The following HM13 variants were observed in gnomAD, a reference collection of about 807,000 sequenced individuals.
HM13 encodes the protein signal peptide peptidase.
In HM13, 18 loss-of-function variants were observed where a neutral mutation model predicts 50.0. The ratio of observed to expected loss-of-function variants is 0.36; its 90% CI spans 0.25 to 0.53. HM13 has a LOEUF of 0.53. Ranked by LOEUF, HM13 falls within the 20% of genes least tolerant of loss-of-function variation. The probability of loss-of-function intolerance (pLI) is 0.90; values close to 1 mark genes in which losing one functional copy is unlikely to be tolerated. For synonymous variants in HM13, 197 were observed against 232.6 expected, an observed-to-expected ratio of 0.85 and a Z score of 1.39; for missense variants, 393 against 552.4, an observed-to-expected ratio of 0.71 and a Z score of 2.89.
intron 1 of HM13, among the ~76,000 whole-genome samples, chr20:31,526,127 TC>T (rs1982476372): frequency 6.7e-6 from 1 of 150,018 alleles, no homozygotes; most frequent in African/African-American, 2.5e-5. Flanking sequence ...AGACTCCATC[TC>T]AAAAAACAAA....
At chr20:31,554,061 C>T (rs1286301302) in intron 7 of HM13, among the ~76,000 whole-genome samples, 1 of 152,092 alleles carries the variant, frequency 6.6e-6, no homozygotes, top group Non-Finnish European at 1.5e-5. Flanking sequence ...AAATCTTCAG[C>T]CTAGATGACC....
At chr20:31,538,579 C>T (rs1260132048) in intron 3 of HM13, 54 of 1,293,096 alleles carry the variant, frequency 4.2e-5, no homozygotes, top group African/African-American at 7.5e-5. Flanking sequence ...TACCACCTGC[C>T]GGGTGTTGTG....
At chr20:31,546,278 C>A (rs1318635767) in intron 4 of HM13, among the ~76,000 whole-genome samples, 1 of 151,734 alleles carries the variant, frequency 6.6e-6, no homozygotes, top group Non-Finnish European at 1.5e-5. Flanking sequence ...CATCCCCTGA[C>A]CTCTTGATTC....
intron 8 of HM13, among the ~76,000 whole-genome samples, chr20:31,556,633 T>C (rs1221986579): frequency 6.6e-6 from 1 of 152,184 alleles, no homozygotes; most frequent in Non-Finnish European, 1.5e-5. Context: ...AAGGCTACGC[T>C]GTCAGAACTG....
At chr20:31,547,610 T>TTGAA (rs1265217358) in intron 4 of HM13, 2 of 1,574,574 alleles carry the variant, frequency 1.3e-6, no homozygotes, top group Non-Finnish European at 1.7e-6. Context: ...TTTCCAGGTA[T>TTGAA]TGAACCATGG....
intron 10 of HM13, 146 bp from the exon 11 acceptor site, chr20:31,566,064 T>G (rs1339219342): frequency 3.6e-6 from 2 of 548,212 alleles, no homozygotes; most frequent in Non-Finnish European, 6.4e-6. Flanking sequence ...TTAGGAGCCC[T>G]GGGTTCAGGC....
At chr20:31,516,435 G>A (rs1036059973) in intron 1 of HM13, among the ~76,000 whole-genome samples, 21 of 152,182 alleles carry the variant, frequency 1.4e-4, no homozygotes, top group East Asian at 1.2e-3. Flanking sequence ...ATTCGGGAGC[G>A]TAGGTGAAAG....
intron 2 of HM13, among the ~76,000 whole-genome samples, chr20:31,534,269 A>G (rs1451816721): frequency 1.3e-5 from 2 of 152,126 alleles, no homozygotes; most frequent in East Asian, 1.9e-4. Context: ...CTATACTCAC[A>G]TGTTCTAGAG....
At chr20:31,516,474 A>G (rs542237523) in intron 1 of HM13, among the ~76,000 whole-genome samples, 43 of 152,304 alleles carry the variant, frequency 2.8e-4, no homozygotes, top group Middle Eastern at 3.4e-3. Context: ...ATTATACTAC[A>G]AGCAATGCTA....
At chr20:31,565,244 C>T (rs979527301) in intron 10 of HM13, among the ~76,000 whole-genome samples, 3 of 151,580 alleles carry the variant, frequency 2.0e-5, no homozygotes, top group South Asian at 2.1e-4. Flanking sequence ...TTTGGGAGGC[C>T]GAGGCAGGTG....
chr20:31,520,709 G>A (rs1392416147), intron 1 of HM13, among the ~76,000 whole-genome samples: 1 of 152,200 alleles, frequency 6.6e-6, no homozygotes, highest in African/African-American at 2.4e-5. Flanking sequence ...TAATGTTGGT[G>A]CAGGGGTTGT....
At chr20:31,551,235 CA>C (rs1451013230) in intron 7 of HM13, among the ~76,000 whole-genome samples, 1 of 152,074 alleles carries the variant, frequency 6.6e-6, no homozygotes, top group East Asian at 1.9e-4. Flanking sequence ...ACAGCAAGCC[CA>C]GGGGTAGAAG....
rs191642869 is a variant in HM13 at position 31,522,126 on chromosome 20, G to A, written c.184-5358G>A. On this transcript the variant is annotated intron_variant, in intron 1 of 12. Transcript: ENST00000398174. Reference sequence around the variant, plus strand: ...CTCTTCCCACCCAGGGTGCTGAGCTGAATTGAAAGGAATATGTGGAAATGA... The same window carrying A: ...CTCTTCCCACCCAGGGTGCTGAGCTAAATTGAAAGGAATATGTGGAAATGA... 2.5e-3 allele frequency among the ~76,000 whole-genome samples: 383 copies of A among 152,264 alleles called. 1 individual carries two copies. Among genetic ancestry groups the A allele is most frequent in the African/African-American group, 8.9e-3 (370 of 41,562 alleles).
chr20:31,550,258 C>T, intron 7 of HM13, 137 bp downstream of exon 7: 3 of 699,572 alleles, frequency 4.3e-6, no homozygotes, highest in Non-Finnish European at 7.8e-6. Context: ...AGCCTGGTTT[C>T]CTTATCCTCA....
At chr20:31,567,807 G>C (rs775789394) in intron 11 of HM13, 6 of 397,224 alleles carry the variant, frequency 1.5e-5, no homozygotes, top group African/African-American at 1.2e-4. Context: ...GGTTTCTACG[G>C]TATTTCTTAG....
intron 4 of HM13, chr20:31,548,049 A>G (rs1487783062): frequency 1.3e-6 from 2 of 1,563,730 alleles, no homozygotes; most frequent in Non-Finnish European, 8.8e-7. Flanking sequence ...CATATAAATG[A>G]GCCTCAGAAG....
At chr20:31,556,816 C>CGA (rs1182781732) in intron 8 of HM13, among the ~76,000 whole-genome samples, 1 of 151,858 alleles carries the variant, frequency 6.6e-6, no homozygotes, top group African/African-American at 2.4e-5. Context: ...GTCAGGAGAT[C>CGA]GAGACCATCC....
At position 31,558,942 on chromosome 20, in the gene HM13, CAG is replaced by C. The variant is rs1438798547; in HGVS notation, c.809-666_809-665del. Among the ~76,000 whole-genome samples, 5 of 151,334 alleles carry C rather than the reference CAG, an allele frequency of 3.3e-5. No homozygotes were observed. In the East Asian group the frequency reaches 9.7e-4, roughly 29 times the overall value. ...TTTGTTTTGTTTTGTTTTTTTGAGA[CAG>C]AGTCTCGCTGTGTCACCAGGCTGGA... On this transcript the variant is annotated intron_variant, in intron 8 of 12. Transcript: ENST00000398174.
intron 3 of HM13, among the ~76,000 whole-genome samples, chr20:31,541,891 C>G (rs892744383): frequency 6.6e-6 from 1 of 152,210 alleles, no homozygotes; most frequent in African/African-American, 2.4e-5. Flanking sequence ...TATGTAACCA[C>G]CAGGATTCAC....
Sources: allele counts gnomAD v4.1 joint callset (sites outside exome capture counted in the v4.1 genomes callset), GRCh38; gene constraint gnomAD v4.1.1; transcripts MANE v1.5; gene names NCBI Gene and HGNC (gene_info 2026-07-23, HGNC 2026-07-21).